The following DST variants were observed in gnomAD, a reference collection of about 807,000 sequenced individuals.
DST encodes dystonin.
Under a neutral mutation model 875.2 loss-of-function variants are expected in DST, and 253 were observed. The observed-to-expected ratio is 0.29, with a 90% CI of 0.26 to 0.32. The LOEUF is 0.32. DST is among the 10% of genes least tolerant of loss of function. The pLI, the probability that DST is intolerant of heterozygous loss-of-function variation, is 1.00. For missense variants in DST, 8,287 were observed against 9,111.6 expected, an observed-to-expected ratio of 0.91 and a Z score of 3.68; for synonymous variants, 3,124 against 3,197.1, an observed-to-expected ratio of 0.98 and a Z score of 0.77.
chr6:56,678,512 TTAAC>T (rs1254472206), intron 9 of DST, among the ~76,000 whole-genome samples: 1 of 152,184 alleles, frequency 6.6e-6, no homozygotes, highest in Non-Finnish European at 1.5e-5. Flanking sequence ...AAAAGATAGA[TTAAC>T]TAGAGAAAAA....
chr6:56,487,305 T>G (rs770763655), intron 86 of DST, 32 bp from the exon 87 acceptor site: 49 of 1,518,834 alleles, frequency 3.2e-5, no homozygotes, highest in Non-Finnish European at 4.1e-5. Flanking sequence ...AATGCGAATT[T>G]CTTCTTGGGA....
intron 87 of DST, 40 bp downstream of exon 87, chr6:56,487,064 G>A: frequency 6.3e-7 from 1 of 1,596,986 alleles, no homozygotes; most frequent in South Asian, 1.1e-5. Flanking sequence ...ATTTGAAAGA[G>A]GTCTACAGAG....
At chr6:56,765,157 G>A (rs1486037377) in intron 4 of DST, among the ~76,000 whole-genome samples, 1 of 152,088 alleles carries the variant, frequency 6.6e-6, no homozygotes, top group Non-Finnish European at 1.5e-5. Context: ...TAATCTCTGA[G>A]ACCCCATAAC....
chr6:56,593,873 G>C lies in DST; in HGVS notation c.12516C>G (p.Thr4172=). The change falls in exon 48 of 104, where the codon ACC becomes ACG. Residue 4172 remains threonine (T), a synonymous_variant. Coordinates refer to ENST00000680361, the MANE Select transcript of DST (RefSeq NM_001374736.1). The stretch of plus-strand genomic sequence containing the variant: ...AGAAACTCTTCTGCCTCTTCAATTT[G>C]GTCATTAAACCATTGATGTCATCTG... ...AGADDINGLM[T]KLKRQKSFSE... 1 of 1,613,858 alleles carries C rather than the reference G, an allele frequency of 6.2e-7. No homozygotes were observed. The highest frequency in any genetic ancestry group is 8.5e-7 in the Non-Finnish European group (1 of 1,179,846).
intron 2 of DST, among the ~76,000 whole-genome samples, chr6:56,914,690 A>G (rs934883992): frequency 6.6e-6 from 1 of 152,230 alleles, no homozygotes; most frequent in Non-Finnish European, 1.5e-5. Context: ...GATTTCCTGA[A>G]CAGTGCCATC....
At chr6:56,471,018 A>T in intron 95 of DST, 88 bp downstream of exon 95, 1 of 1,346,698 alleles carries the variant, frequency 7.4e-7, no homozygotes, top group Non-Finnish European at 1.0e-6. Flanking sequence ...GCTTTATTGT[A>T]ACACAAGTTT....
chr6:56,661,936 C>A (rs1036270739), intron 10 of DST, among the ~76,000 whole-genome samples: 2 of 152,150 alleles, frequency 1.3e-5, no homozygotes, highest in Non-Finnish European at 2.9e-5. Flanking sequence ...TGTCAACTTA[C>A]TTCGTCACTT....
Position 56,532,523 on chromosome 6 carries a change from C to T in DST, c.16942-13G>A, listed in dbSNP as rs749304042. ...ATCTCTGGAGAAGCTTGAGACAAAACATTAAATATAAAAAAGCAAGGGAAT... is the reference window on the plus strand; with the variant it reads ...ATCTCTGGAGAAGCTTGAGACAAAATATTAAATATAAAAAAGCAAGGGAAT... On this transcript the variant is annotated splice_polypyrimidine_tract_variant and intron_variant, in intron 63 of 103. Transcript: ENST00000680361. The T allele has an allele frequency of 3.9e-6, 6 of 1,557,050 alleles. No individual in the cohort carries two copies. The highest frequency in any genetic ancestry group is 2.1e-5 in the Admixed American group (1 of 48,524).
intron 49 of DST, among the ~76,000 whole-genome samples, chr6:56,591,567 G>A (rs2098272465): frequency 6.6e-6 from 1 of 152,106 alleles, no homozygotes; most frequent in African/African-American, 2.4e-5. Context: ...AAAAAACAGT[G>A]AACAAGATAA....
chr6:56,573,931 G>T (rs750592868), intron 50 of DST, 44 bp from the exon 51 acceptor site: 1 of 1,412,416 alleles, frequency 7.1e-7, no homozygotes, highest in Non-Finnish European at 9.7e-7. Context: ...AGTTCTCTTT[G>T]CCCTATCCCT....
At chr6:56,729,263 T>C (rs942489749) in intron 5 of DST, among the ~76,000 whole-genome samples, 3 of 152,248 alleles carry the variant, frequency 2.0e-5, no homozygotes, top group African/African-American at 7.2e-5. Context: ...GCAGTATTTT[T>C]CATTAGCCCT....
At chr6:56,831,569 C>A (rs575453803) in intron 4 of DST, among the ~76,000 whole-genome samples, 4 of 152,226 alleles carry the variant, frequency 2.6e-5, no homozygotes, top group African/African-American at 9.6e-5. Flanking sequence ...TTGTGTAGCA[C>A]TCACATATAA....
At position 56,704,369 on chromosome 6, in the gene DST, C is replaced by A. The variant is rs1251111618; in HGVS notation, c.688G>T (p.Val230Phe). 1.3e-6 allele frequency: 2 copies of A among 1,531,654 alleles called. No individual in the cohort carries two copies. The highest frequency in any genetic ancestry group is 1.4e-5 in the African/African-American group (1 of 71,804). The allele number at this position is 1,531,654 out of a possible 1,614,324, so 94.9% of individuals were successfully genotyped here. Reference protein sequence around the residue: ...TKWINQHLMKVRKHVNDLYED... With the variant: ...TKWINQHLMKFRKHVNDLYED... Reference sequence around the variant, plus strand: ...TAGAGATCATTCACATGTTTTCGAACCTATAAAGAGAAAAGCAAAATTTGG... The same window carrying A: ...TAGAGATCATTCACATGTTTTCGAAACTATAAAGAGAAAAGCAAAATTTGG... The change falls in exon 6 of 104, where the codon GTT becomes TTT. Residue 230 changes from valine to phenylalanine, a missense_variant and splice_region_variant. Val to Phe is a conservative substitution (Grantham distance 50). This residue lies in a region of DST where 1,160 missense variants were observed against 1,424.3 expected (regional missense o/e 0.81). Transcript: ENST00000680361.
chr6:56,601,225 T>G (rs1488640696), intron 44 of DST, among the ~76,000 whole-genome samples: 1 of 152,064 alleles, frequency 6.6e-6, no homozygotes, highest in Non-Finnish European at 1.5e-5. Context: ...CACTTGAAGT[T>G]AAGTATTTTT....
chr6:56,572,134 T>C lies in DST; in HGVS notation c.13687A>G (p.Lys4563Glu). Residue 4563 changes from lysine to glutamate, a missense_variant, in exon 53 of 104, where the codon AAA becomes GAA. This residue lies in a region of DST where 1,513 missense variants were observed against 1,677.8 expected (regional missense o/e 0.90). Transcript: ENST00000680361. ...ATGGTATCCTCCATTTCCTTGAATT[T>C]CTTTGACAAATTATTTGTTTTTTCA... The part of the protein sequence containing the change: ...VLEKTNNLSK[K>E]FKEMEDTIKE... The C allele has an allele frequency of 5.9e-6, 9 of 1,520,572 alleles. No homozygotes were observed. Among genetic ancestry groups the C allele is most frequent in the Non-Finnish European group, 7.0e-6 (8 of 1,135,116 alleles). The allele number at this position is 1,520,572 out of a possible 1,614,324, so 94.2% of individuals were successfully genotyped here. A position where few individuals can be genotyped will look rare whatever the true frequency, so the allele number is the denominator to read the frequency against.
intron 4 of DST, among the ~76,000 whole-genome samples, chr6:56,816,920 T>C (rs2099767234): frequency 6.6e-6 from 1 of 152,038 alleles, no homozygotes; most frequent in East Asian, 1.9e-4. Context: ...AATTCTCTCC[T>C]GAAGATCTTT....
Position 56,552,938 on chromosome 6 carries a change from G to C in DST, c.15854C>G (p.Ser5285Cys), listed in dbSNP as rs1262004960. ...CTTTGCACACTGAAGCTGCCTTTTA[G>C]ATTCTTTGGAAACTTCTTGAAATTC... The part of the protein sequence containing the change: ...FKEFQEVSKE[S>C]KRQLQCAKEQ... Residue 5285 changes from serine to cysteine, a missense_variant, in exon 61 of 104, where the codon TCT becomes TGT. Transcript: ENST00000680361. The C allele has an allele frequency of 6.2e-7, 1 of 1,613,988 alleles. No individual in the cohort carries two copies. Among genetic ancestry groups the C allele is most frequent in the Non-Finnish European group, 8.5e-7 (1 of 1,179,880 alleles).
chr6:56,480,091 G>A (rs952230036), intron 90 of DST, among the ~76,000 whole-genome samples: 8 of 152,030 alleles, frequency 5.3e-5, no homozygotes, highest in Admixed American at 5.2e-4. Context: ...TTGTGTTCCC[G>A]GTAGTTGGTT....
chr6:56,526,307 C>G, intron 69 of DST, 54 bp downstream of exon 69: 1 of 1,569,048 alleles, frequency 6.4e-7, no homozygotes, highest in Non-Finnish European at 8.7e-7. Context: ...GGTAAAAGCT[C>G]CAAGAACAGC....
Sources: gnomAD v4.1 joint callset for allele counts (sites outside exome capture counted in the v4.1 genomes callset) on GRCh38, gnomAD v4.1.1 for gene constraint, gnomAD v4.1.1 regional missense constraint, MANE v1.5 for transcripts, NCBI Gene and HGNC (gene_info 2026-07-23, HGNC 2026-07-21) for gene names.